HADHB: variants seen among roughly 807,000 people sequenced by gnomAD.
HADHB encodes the protein trifunctional enzyme subunit beta, mitochondrial.
In HADHB, 50 loss-of-function variants were observed where a neutral mutation model predicts 61.9. That is an observed-to-expected ratio of 0.81 (90% CI 0.64 to 1.02). The LOEUF is 1.02. HADHB is among the 50% of genes least tolerant of loss of function. The pLI is 0.00. For synonymous variants in HADHB, 191 were observed against 201.6 expected (o/e 0.95, Z 0.45); for missense variants, 504 against 586.5 (o/e 0.86, Z 1.45).
chr2:26,261,311 C>T, intron 3 of HADHB: 2 of 433,564 alleles, frequency 4.6e-6, no homozygotes, highest in Non-Finnish European at 4.1e-6. Context: ...TGTGGGAGAA[C>T]AGGCATTGCA....
intron 4 of HADHB, among the ~76,000 whole-genome samples, chr2:26,265,624 A>AACAAC (rs1672044860): frequency 7.4e-6 from 1 of 135,608 alleles, no homozygotes; most frequent in Non-Finnish European, 1.7e-5. Context: ...ACAACAACAA[A>AACAAC]ACACCCAAAC....
At chr2:26,265,581 G>A (rs1430836016) in intron 4 of HADHB, among the ~76,000 whole-genome samples, 4 of 148,184 alleles carry the variant, frequency 2.7e-5, no homozygotes, top group Non-Finnish European at 6.0e-5. Flanking sequence ...GGGTGACAGA[G>A]CAAAACTCCA....
chr2:26,280,601 C>T (rs1192152546), intron 10 of HADHB, among the ~76,000 whole-genome samples: 1 of 151,996 alleles, frequency 6.6e-6, no homozygotes, highest in African/African-American at 2.4e-5. Context: ...GCCTGTAATC[C>T]CAGCACTTTG....
Position 26,289,954 on chromosome 2 carries a change from T to C in HADHB, c.*1T>C. The C allele has an allele frequency of 6.2e-7, 1 of 1,604,002 alleles. No individual in the cohort carries two copies. The highest frequency in any genetic ancestry group is 1.1e-5 in the South Asian group (1 of 90,856). ...GATAGTGGAAGCTTATCCAAAATAA[T>C]AGATCCAGAAGAAGTGACCTGAAGT... is the stretch of plus-strand genomic sequence containing the variant. On this transcript the variant is annotated 3_prime_UTR_variant, in exon 16 of 16. Coordinates refer to ENST00000317799, the MANE Select transcript of HADHB (RefSeq NM_000183.3).
intron 1 of HADHB, among the ~76,000 whole-genome samples, chr2:26,250,867 T>C (rs908470845): frequency 6.6e-6 from 1 of 150,602 alleles, no homozygotes; most frequent in Non-Finnish European, 1.5e-5. Context: ...TATTCTCCGA[T>C]GTTTTCCTCT....
At chr2:26,246,667 C>T (rs1183153330) in intron 1 of HADHB, among the ~76,000 whole-genome samples, 1 of 152,104 alleles carries the variant, frequency 6.6e-6, no homozygotes, top group Non-Finnish European at 1.5e-5. Context: ...ATGTGAAAAA[C>T]TATTTTTAGC....
In HADHB at chr2:26,274,005, A is replaced by G. The variant is rs190512582; in HGVS notation, c.354+255A>G. The stretch of plus-strand genomic sequence containing the variant: ...TAAATTATTTGAGCTGGTTTAGGAC[A>G]TTGTCTCTTGTGTTAGGAAAATAGA... On this transcript the variant is annotated intron_variant, in intron 6 of 15. Coordinates refer to ENST00000317799, the MANE Select transcript of HADHB (RefSeq NM_000183.3). Among the ~76,000 whole-genome samples the G allele has an allele frequency of 1.6e-3, 240 of 152,332 alleles. 1 individual carries two copies. The highest frequency in any genetic ancestry group is 2.5e-3 in the Non-Finnish European group (169 of 68,022).
In HADHB at chr2:26,278,624, G is replaced by T; in HGVS notation, c.453G>T (p.Leu151Phe). The change falls in exon 8 of 16, where the codon TTG becomes TTT. Residue 151 changes from leucine to phenylalanine, a missense_variant. Transcript: ENST00000317799. ...ACCTGTGCCCTGTAGGTGTTGGCTT[G>T]ATTGCTTCTGGCCAGTGTGATGTGA... ...ANQAMTTGVG[L>F]IASGQCDVIV... 6.2e-7 allele frequency: 1 copy of T among 1,613,932 alleles called. No individual in the cohort carries two copies. Among genetic ancestry groups the T allele is most frequent in the South Asian group, 1.1e-5 (1 of 91,068 alleles).
intron 3 of HADHB, among the ~76,000 whole-genome samples, chr2:26,256,835 T>C (rs1305462578): frequency 6.6e-6 from 1 of 152,178 alleles, no homozygotes; most frequent in Non-Finnish European, 1.5e-5. Flanking sequence ...TGGAGCTGTA[T>C]TGTCTTGAGA....
intron 15 of HADHB, 24 bp from the exon 16 acceptor site, chr2:26,289,894 A>C (rs756492005): frequency 6.4e-7 from 1 of 1,559,952 alleles, no homozygotes; most frequent in Admixed American, 1.7e-5. Flanking sequence ...TCATTGCTCT[A>C]ATTGGACTTT....
chr2:26,248,695 A>C (rs959539935), intron 1 of HADHB, among the ~76,000 whole-genome samples: 2 of 152,158 alleles, frequency 1.3e-5, no homozygotes, highest in Non-Finnish European at 2.9e-5. Flanking sequence ...TATTAACCAT[A>C]TTTTCAATGT....
chr2:26,263,314 A>AT, intron 3 of HADHB, 66 bp from the exon 4 acceptor site: 1 of 1,020,054 alleles, frequency 9.8e-7, no homozygotes, highest in Non-Finnish European at 1.5e-6. Flanking sequence ...AAAAAAAAAA[A>AT]AGTAAAAGTC....
intron 3 of HADHB, chr2:26,260,425 G>A (rs951425082): frequency 6.5e-6 from 1 of 152,744 alleles, no homozygotes; most frequent in African/African-American, 2.4e-5. Flanking sequence ...TGTACCATTC[G>A]ACCTGTCACC....
intron 15 of HADHB, among the ~76,000 whole-genome samples, chr2:26,287,010 C>T (rs976179423): frequency 1.3e-5 from 2 of 151,466 alleles, no homozygotes; most frequent in African/African-American, 2.4e-5. Flanking sequence ...TCGAGACCAG[C>T]CTGGCCAACA....
chr2:26,280,255 T>A, intron 10 of HADHB, 140 bp downstream of exon 10: 2 of 746,518 alleles, frequency 2.7e-6, no homozygotes, highest in Admixed American at 2.4e-5. Context: ...GAAAGTGGAG[T>A]CATTAAAAAA....
chr2:26,280,004 A>G lies in HADHB; in HGVS notation c.822A>G (p.Thr274=), dbSNP rs760136055. 5 of 1,608,554 alleles carry G rather than the reference A, an allele frequency of 3.1e-6. No homozygotes were observed. The Admixed American group carries it at 8.3e-5, about 27-fold the overall frequency. ...TCATTTTTTTAATAGGAAAAGATACAGTTACCAAAGATAATGGCATCCGTC... is the reference window on the plus strand; with the variant it reads ...TCATTTTTTTAATAGGAAAAGATACGGTTACCAAAGATAATGGCATCCGTC... ...VVPFKVPGKD[T]VTKDNGIRPS... The change falls in exon 10 of 16, where the codon ACA becomes ACG. Residue 274 remains threonine (T), a synonymous_variant. Coordinates refer to ENST00000317799, the MANE Select transcript of HADHB (RefSeq NM_000183.3).
intron 1 of HADHB, among the ~76,000 whole-genome samples, chr2:26,250,959 G>A (rs1202612340): frequency 1.3e-5 from 2 of 150,638 alleles, no homozygotes; most frequent in African/African-American, 2.4e-5. Flanking sequence ...TTGTGCTTTC[G>A]CTGTGAGCTG....
intron 1 of HADHB, among the ~76,000 whole-genome samples, chr2:26,246,988 T>A (rs1169392659): frequency 6.6e-6 from 1 of 152,234 alleles, no homozygotes; most frequent in East Asian, 1.9e-4. Context: ...CCTATGTGGT[T>A]AAGTAACTGG....
intron 1 of HADHB, among the ~76,000 whole-genome samples, chr2:26,252,027 A>T (rs1397723561): frequency 2.0e-5 from 3 of 152,218 alleles, no homozygotes; most frequent in African/African-American, 4.8e-5. Flanking sequence ...TGCCTGCGCT[A>T]GAGGCTCCGC....
Sources: allele counts gnomAD v4.1 joint callset (sites outside exome capture counted in the v4.1 genomes callset), GRCh38; gene constraint gnomAD v4.1.1; transcripts MANE v1.5; gene names NCBI Gene and HGNC (gene_info 2026-07-23, HGNC 2026-07-21).